The following DGKD variants were observed in gnomAD, a reference collection of about 807,000 sequenced individuals.
The protein encoded by DGKD is DAG kinase delta.
In DGKD, 68 loss-of-function variants were observed where a neutral mutation model predicts 154.4. That is an observed-to-expected ratio of 0.44 (90% confidence interval 0.36 to 0.54). DGKD has a LOEUF of 0.54. Among genes scored for constraint, DGKD ranks in the 20% least tolerant of loss-of-function variants. DGKD has a pLI of 0.00. For synonymous variants in DGKD, 693 were observed against 638.0 expected (o/e 1.09, Z -1.30); for missense variants, 1,343 against 1,593.6 (o/e 0.84, Z 2.68).
rs182899454 is a variant in DGKD at position 233,442,701 on chromosome 2, G to T, written c.1194+706G>T. 1.6e-3 allele frequency: 247 copies of T among 156,352 alleles called. 1 individual carries two copies. The highest frequency in any genetic ancestry group is 5.3e-3 in the African/African-American group (222 of 41,544). The allele number at this position is 156,352 out of a possible 1,614,324, so 9.7% of individuals were successfully genotyped here. ...GCTCACTACAACCTCTGCCTCCCCG[G>T]TTCAAGTGATTCTCCTGCCTCAGCC... On this transcript the variant is annotated intron_variant, in intron 10 of 29. Coordinates refer to ENST00000264057, the MANE Select transcript of DGKD (RefSeq NM_152879.3).
At position 233,457,335 on chromosome 2, in the gene DGKD, A is replaced by G; in HGVS notation, c.2580+7A>G. ...GGGTACCAAGGAAGATGATGTATGTATGGGGTGTGAGCGGGTGGGCCTGAG... is the reference window on the plus strand; with the variant it reads ...GGGTACCAAGGAAGATGATGTATGTGTGGGGTGTGAGCGGGTGGGCCTGAG... On this transcript the variant is annotated splice_region_variant and intron_variant, in intron 21 of 29. Transcript: ENST00000264057. This position sits in a 1 kb window ranked among gnomAD's most constrained non-coding sequence, Gnocchi z 5.5. 1.3e-6 allele frequency: 2 copies of G among 1,557,396 alleles called. No individual in the cohort carries two copies. Among genetic ancestry groups the G allele is most frequent in the Non-Finnish European group, 1.7e-6 (2 of 1,146,566 alleles).
At chr2:233,379,377 A>G (rs985799734) in intron 1 of DGKD, among the ~76,000 whole-genome samples, 1 of 152,100 alleles carries the variant, frequency 6.6e-6, no homozygotes, top group Non-Finnish European at 1.5e-5. Context: ...TGGTTCTGGG[A>G]GGGGTGAGAG....
intron 1 of DGKD, among the ~76,000 whole-genome samples, chr2:233,357,959 C>A (rs1412640920): frequency 6.6e-6 from 1 of 152,200 alleles, no homozygotes; most frequent in African/African-American, 2.4e-5. Flanking sequence ...TCAAATAATT[C>A]TTCAGGTTAT....
chr2:233,421,315 C>G (rs912713563), intron 3 of DGKD, among the ~76,000 whole-genome samples: 1 of 152,122 alleles, frequency 6.6e-6, no homozygotes, highest in Non-Finnish European at 1.5e-5. Flanking sequence ...CACCCTGTCC[C>G]GTCTGCTGTC....
At chr2:233,451,492 C>G (rs1380708058) in intron 17 of DGKD, among the ~76,000 whole-genome samples, 1 of 152,014 alleles carries the variant, frequency 6.6e-6, no homozygotes, top group East Asian at 1.9e-4. Flanking sequence ...CTTATAAAGC[C>G]TTAAGCCTCA....
chr2:233,368,627 G>A (rs547544780), intron 1 of DGKD, among the ~76,000 whole-genome samples: 139 of 152,288 alleles, frequency 9.1e-4, no homozygotes, highest in African/African-American at 3.2e-3. Flanking sequence ...TTCGAGGTAA[G>A]GATTTGGTAA....
chr2:233,441,865 G>C lies in DGKD; in HGVS notation c.1086-22G>C. On this transcript the variant is annotated intron_variant, in intron 9 of 29. Coordinates refer to ENST00000264057, the MANE Select transcript of DGKD (RefSeq NM_152879.3). The surrounding 1 kb of genome is among the most constrained non-coding windows in gnomAD (Gnocchi z 5.6). ...TCCTGTGGAATGGATGTCATTTCAC[G>C]GCCTTTCTCTTTTCTCTGCAGCTTA... 1 of 1,605,392 alleles carries C rather than the reference G, an allele frequency of 6.2e-7. No individual in the cohort carries two copies. Among genetic ancestry groups the C allele is most frequent in the East Asian group, 2.2e-5 (1 of 44,748 alleles).
intron 9 of DGKD, among the ~76,000 whole-genome samples, chr2:233,439,473 G>A (rs1182564660): frequency 6.6e-6 from 1 of 152,248 alleles, no homozygotes; most frequent in Non-Finnish European, 1.5e-5. Flanking sequence ...TTCCGCAAAG[G>A]CAGTACTCCC....
chr2:233,424,797 C>T (rs1051859707), intron 3 of DGKD, among the ~76,000 whole-genome samples: 2 of 152,214 alleles, frequency 1.3e-5, no homozygotes, highest in Non-Finnish European at 2.9e-5. Context: ...GGAAAACACG[C>T]GGTGGATTGC....
At chr2:233,450,753 C>T (rs116684019) in intron 16 of DGKD, among the ~76,000 whole-genome samples, 169 bp from the exon 17 acceptor site, 1,541 of 152,288 alleles carry the variant, frequency 0.01, 32 homozygotes, top group African/African-American at 0.035. Context: ...AACATGTGCA[C>T]CCACTCGGTC....
At chr2:233,450,858 A>T (rs981440542) in intron 16 of DGKD, 64 bp from the exon 17 acceptor site, 90 of 1,547,584 alleles carry the variant, frequency 5.8e-5, no homozygotes, top group South Asian at 4.6e-4. Context: ...GTCGCTAAGG[A>T]CCCCCCAGGA....
rs2063184736 is a variant in DGKD, at chr2:233,449,195, C to T, written c.1707C>T (p.Thr569=). The change falls in exon 15 of 30, where the codon ACC becomes ACT. Residue 569 remains threonine, a synonymous_variant. Coordinates refer to ENST00000264057, the MANE Select transcript of DGKD (RefSeq NM_152879.3). The surrounding 1 kb of genome is among the most constrained non-coding windows in gnomAD (Gnocchi z 5.3). ...CCTCTCTGCCCAACCCGCCCCCCAC[C>T]ATTGCCGAGGAGGCTGAAGATGGAG... ...ASSSLPNPPP[T]IAEEAEDGDG... The T allele has an allele frequency of 6.2e-7, 1 of 1,613,764 alleles. No individual in the cohort carries two copies. Among genetic ancestry groups the T allele is most frequent in the Admixed American group, 1.7e-5 (1 of 60,012 alleles).
intron 3 of DGKD, among the ~76,000 whole-genome samples, chr2:233,410,867 A>G (rs746677866): frequency 1.3e-5 from 2 of 152,212 alleles, no homozygotes; most frequent in Non-Finnish European, 2.9e-5. Flanking sequence ...TTTCCTTGTA[A>G]TCCTTCCTTC....
intron 3 of DGKD, among the ~76,000 whole-genome samples, chr2:233,393,990 A>G (rs996820632): frequency 6.6e-6 from 1 of 151,956 alleles, no homozygotes; most frequent in Non-Finnish European, 1.5e-5. Context: ...ATTAGTTTTT[A>G]TCTGTTGTAA....
In DGKD at chr2:233,462,646, C is replaced by T; in HGVS notation, c.3097C>T (p.Leu1033Phe). 2 of 1,614,064 alleles carry T rather than the reference C, an allele frequency of 1.2e-6. No homozygotes were observed. The highest frequency in any genetic ancestry group is 8.5e-7 in the Non-Finnish European group (1 of 1,179,930). ...ATATTTGCCTGGTTTCTTCTAGGGGCTCAACTGCAGCTTCGTCCTGGAAAT... is the reference window on the plus strand; with the variant it reads ...ATATTTGCCTGGTTTCTTCTAGGGGTTCAACTGCAGCTTCGTCCTGGAAAT... ...VYGKPRTTEG[L>F]NCSFVLEMVN... is the part of the protein sequence containing the mutation. The change falls in exon 26 of 30, where the codon CTC (leucine) becomes TTC (phenylalanine). Residue 1033 changes from leucine (L) to phenylalanine (F), a missense_variant. By Grantham distance (22) the Leu-to-Phe change is conservative. This residue lies in a region of DGKD where 429 missense variants were observed against 496.3 expected (regional missense o/e 0.86). Transcript: ENST00000264057.
intron 3 of DGKD, among the ~76,000 whole-genome samples, chr2:233,433,528 A>G (rs564094510): frequency 6.6e-6 from 1 of 152,338 alleles, no homozygotes; most frequent in South Asian, 2.1e-4. Context: ...TGATAGCACA[A>G]CGGGGTGACA....
chr2:233,454,739 T>G (rs746746686), intron 18 of DGKD, 24 bp from the exon 19 acceptor site: 14 of 1,433,110 alleles, frequency 9.8e-6, no homozygotes, highest in Non-Finnish European at 1.4e-5. Flanking sequence ...GCTGTTGTAA[T>G]TGATTTAAAA....
rs80291399 is a variant in DGKD, at chr2:233,450,360, C to T, written c.2038+229C>T. Among the ~76,000 whole-genome samples the T allele has an allele frequency of 6.2e-3, 951 of 152,270 alleles. 21 individuals carry two copies. The East Asian group carries it at 0.084, about 13-fold the overall frequency. On this transcript the variant is annotated intron_variant, in intron 16 of 29. Coordinates refer to ENST00000264057, the MANE Select transcript of DGKD (RefSeq NM_152879.3). ...ACAGCAGTAGAACCCGCGAGACCCC[C>T]TCCATCAGGGCGAGGACTGCCTCCC...
At chr2:233,420,281 G>A (rs943236794) in intron 3 of DGKD, among the ~76,000 whole-genome samples, 15 of 152,164 alleles carry the variant, frequency 9.9e-5, no homozygotes, top group Admixed American at 9.2e-4. Flanking sequence ...TACAAATATA[G>A]GGCATGGCTA....
Sources: allele counts gnomAD v4.1 joint callset (sites outside exome capture counted in the v4.1 genomes callset), GRCh38; gene constraint gnomAD v4.1.1; regional missense constraint gnomAD v4.1.1; non-coding constraint Gnocchi (gnomAD v3.1); transcripts MANE v1.5; gene names NCBI Gene and HGNC (gene_info 2026-07-23, HGNC 2026-07-21).